RABL3: variants seen among roughly 807,000 people sequenced by gnomAD.
RABL3 encodes rab-like protein 3.
RABL3 carries 31 observed loss-of-function variants against 31.8 expected under a neutral mutation model. The ratio of observed to expected loss-of-function variants is 0.97; its 90% confidence interval spans 0.73 to 1.31. The LOEUF (loss-of-function observed/expected upper bound fraction) is 1.31, where lower values mean the gene tolerates loss of function less well. Among genes scored for constraint, RABL3 ranks in the 40% most tolerant of loss-of-function variants. RABL3 has a pLI of 0.00. For synonymous variants in RABL3, 97 were observed against 99.9 expected, an observed-to-expected ratio of 0.97 and a Z score of 0.18; for missense variants, 263 against 279.6, an observed-to-expected ratio of 0.94 and a Z score of 0.42.
At position 120,723,786 on chromosome 3, in the gene RABL3, A is replaced by G. The variant is rs189824037; in HGVS notation, c.138+6910T>C. Among the ~76,000 whole-genome samples the G allele has an allele frequency of 1.0e-3, 156 of 152,324 alleles. 1 individual carries two copies. Among genetic ancestry groups the G allele is most frequent in the Admixed American group, 5.6e-3 (85 of 15,310 alleles). On this transcript the variant is annotated intron_variant, in intron 2 of 7. Transcript: ENST00000273375. ...AAAACTCTCAATAAATTAGGTATTG[A>G]TGGGACATATCTCAAAATAATAAGA...
chr3:120,690,365 T>G (rs1282764380), intron 7 of RABL3, 84 bp downstream of exon 7: 1 of 1,020,338 alleles, frequency 9.8e-7, no homozygotes, highest in East Asian at 2.4e-5. Flanking sequence ...TTTCCCCAAC[T>G]TTTTAAAACT....
chr3:120,721,334 A>T (rs1004921642), intron 2 of RABL3, among the ~76,000 whole-genome samples: 10 of 152,228 alleles, frequency 6.6e-5, no homozygotes, highest in African/African-American at 2.4e-4. Context: ...CACACATAAC[A>T]ATATTAACCT....
At chr3:120,708,517 C>G (rs956508099) in intron 3 of RABL3, among the ~76,000 whole-genome samples, 2 of 151,964 alleles carry the variant, frequency 1.3e-5, no homozygotes, top group Non-Finnish European at 2.9e-5. Flanking sequence ...ATTCAGACTT[C>G]TCTGTGCCAG....
rs1272207202 is a variant in RABL3, at chr3:120,706,037, T to C, written c.346A>G (p.Arg116Gly). 3 of 1,613,900 alleles carry C rather than the reference T, an allele frequency of 1.9e-6. No individual in the cohort carries two copies. The highest frequency in any genetic ancestry group is 2.2e-5 in the East Asian group (1 of 44,860). ...LRRWSLEALN[R>G]DLVPTGVLVT... ...AAGACTCCAGTTGGCACCAAATCCC[T>C]GTTGAGAGCTTCCAATGACCAACGA... Residue 116 changes from arginine to glycine, a missense_variant, in exon 4 of 8, where the codon AGG (arginine) becomes GGG (glycine). Coordinates refer to ENST00000273375, the MANE Select transcript of RABL3 (RefSeq NM_173825.5).
intron 1 of RABL3, among the ~76,000 whole-genome samples, chr3:120,734,717 C>T (rs1248215940): frequency 6.6e-6 from 1 of 152,158 alleles, no homozygotes; most frequent in African/African-American, 2.4e-5. Context: ...AGATATGTCC[C>T]ATCAATACCT....
chr3:120,709,411 T>TC (rs1708586625), intron 3 of RABL3, among the ~76,000 whole-genome samples: 3 of 152,036 alleles, frequency 2.0e-5, no homozygotes, highest in Admixed American at 6.6e-5. Context: ...CTCTGTGTTA[T>TC]CTGGCTTAAG....
chr3:120,720,514 C>T (rs1311056496), intron 2 of RABL3, among the ~76,000 whole-genome samples: 7 of 152,138 alleles, frequency 4.6e-5, no homozygotes, highest in African/African-American at 1.2e-4. Flanking sequence ...CTGAAAACCA[C>T]GGCATGAGAA....
intron 1 of RABL3, among the ~76,000 whole-genome samples, chr3:120,735,927 T>A (rs13061119): frequency 6.6e-6 from 1 of 152,366 alleles, no homozygotes; most frequent in African/African-American, 2.4e-5. Flanking sequence ...TTACAACTAC[T>A]GTTCTTTTAC....
intron 4 of RABL3, among the ~76,000 whole-genome samples, chr3:120,702,070 T>G (rs1436485805): frequency 2.6e-5 from 4 of 152,174 alleles, no homozygotes; most frequent in African/African-American, 9.6e-5. Context: ...TTCTGGCTCA[T>G]GAAACAAGAA....
At position 120,687,221 on chromosome 3, in the gene RABL3, C is replaced by A. The variant is rs1024216701; in HGVS notation, c.*2602G>T. 3.9e-5 allele frequency: 6 copies of A among 152,082 alleles called. No homozygotes were observed. The highest frequency in any genetic ancestry group is 1.3e-4 in the Admixed American group (2 of 15,268). 9.4% of individuals were successfully genotyped at this position (152,082 alleles called of 1,614,324 possible). Reference sequence around the variant, plus strand: ...AATGAGTCAGAAAATTGGTCAGACACCGAAATCACAACAGAAAAAAAAAAT... The same window carrying A: ...AATGAGTCAGAAAATTGGTCAGACAACGAAATCACAACAGAAAAAAAAAAT... On this transcript the variant is annotated 3_prime_UTR_variant, in exon 8 of 8. Transcript: ENST00000273375.
At chr3:120,739,299 C>A (rs1427882544) in intron 1 of RABL3, among the ~76,000 whole-genome samples, 1 of 151,954 alleles carries the variant, frequency 6.6e-6, no homozygotes, top group African/African-American at 2.4e-5. Flanking sequence ...ATCACTTGAA[C>A]CCAGGAGGCA....
At chr3:120,725,445 GCGTATATACCCAAA>G (rs1196037396) in intron 2 of RABL3, among the ~76,000 whole-genome samples, 1 of 152,130 alleles carries the variant, frequency 6.6e-6, no homozygotes, top group Non-Finnish European at 1.5e-5. Context: ...TCCCATTACT[GCGTATATACCCAAA>G]GGATTATAAA....
At chr3:120,690,351 G>C (rs971885152) in intron 7 of RABL3, 98 bp downstream of exon 7, 1 of 815,424 alleles carries the variant, frequency 1.2e-6, no homozygotes. Context: ...TGCCTATAAA[G>C]GGCTTTCCCC....
intron 1 of RABL3, 103 bp from the exon 2 acceptor site, chr3:120,730,890 T>C (rs1708875209): frequency 1.2e-5 from 9 of 769,698 alleles, no homozygotes; most frequent in Middle Eastern, 2.3e-4. Context: ...AAGTAAAGCA[T>C]AGTTGTTAGA....
chr3:120,716,932 T>C (rs1708677219), intron 2 of RABL3, among the ~76,000 whole-genome samples: 1 of 152,190 alleles, frequency 6.6e-6, no homozygotes, highest in South Asian at 2.1e-4. Flanking sequence ...ACTTATGTTA[T>C]CACTCACGCA....
At chr3:120,714,457 G>C (rs1017414797) in intron 2 of RABL3, among the ~76,000 whole-genome samples, 1 of 152,098 alleles carries the variant, frequency 6.6e-6, no homozygotes, top group Non-Finnish European at 1.5e-5. Flanking sequence ...GGTTACTGCT[G>C]TCTCTTCACT....
chr3:120,727,217 G>A (rs747648743), intron 2 of RABL3, among the ~76,000 whole-genome samples: 22 of 152,040 alleles, frequency 1.4e-4, no homozygotes, highest in Non-Finnish European at 1.2e-4. Flanking sequence ...AAATCAACAA[G>A]GCAGAAACTG....
intron 2 of RABL3, among the ~76,000 whole-genome samples, chr3:120,711,614 T>G (rs972715320): frequency 2.6e-5 from 4 of 152,180 alleles, no homozygotes; most frequent in African/African-American, 9.6e-5. Flanking sequence ...GACTCTCTTT[T>G]TCTCATGTCT....
chr3:120,694,357 TA>T (rs1708413123), intron 5 of RABL3, 133 bp from the exon 6 acceptor site: 1 of 578,354 alleles, frequency 1.7e-6, no homozygotes, highest in African/African-American at 1.8e-5. Flanking sequence ...AATATTCAAA[TA>T]ATTTTCAAAT....
Sources: gnomAD v4.1 joint callset for allele counts (sites outside exome capture counted in the v4.1 genomes callset) on GRCh38, gnomAD v4.1.1 for gene constraint, MANE v1.5 for transcripts, NCBI Gene and HGNC (gene_info 2026-07-23, HGNC 2026-07-21) for gene names.